Variants in ARHGAP8 observed in about 807,000 individuals in gnomAD.
The protein encoded by ARHGAP8 is Rho GTPase activating protein 8.
A neutral mutation model predicts 46.1 loss-of-function variants in ARHGAP8; 62 were observed. The observed-to-expected ratio is 1.34, with a 90% CI of 1.10 to 1.66. The LOEUF (loss-of-function observed/expected upper bound fraction) is 1.66, where lower values mean the gene tolerates loss of function less well. ARHGAP8 is among the 40% of genes most tolerant of loss of function. ARHGAP8 has a pLI of 0.00. For synonymous variants in ARHGAP8, 375 were observed against 243.1 expected (o/e 1.54, Z -5.05); for missense variants, 923 against 568.4 (o/e 1.62, Z -6.34).
rs188808690 is a variant in ARHGAP8, at chr22:44,856,138, G to A, written c.878-3593G>A. On this transcript the variant is annotated intron_variant, in intron 10 of 11. Transcript: ENST00000356099. ...ATCTGTCCCCATGATTTAATCACCC[G>A]TCACCCATCCCCACCTCCCACATTG... 3.7e-4 allele frequency among the ~76,000 whole-genome samples: 56 copies of A among 151,754 alleles called. 1 individual carries two copies. The highest frequency in any genetic ancestry group is 2.9e-3 in the Admixed American group (44 of 15,244).
At chr22:44,771,808 G>A (rs1350747885) in intron 1 of ARHGAP8, among the ~76,000 whole-genome samples, 1 of 152,132 alleles carries the variant, frequency 6.6e-6, no homozygotes, top group Admixed American at 6.5e-5. Context: ...ACCCGCCTCG[G>A]CCTCCCAAAG....
Position 44,845,480 on chromosome 22 carries a change from G to T in ARHGAP8, c.670+138G>T, listed in dbSNP as rs1231194044. On this transcript the variant is annotated intron_variant, in intron 8 of 11. Coordinates refer to ENST00000356099, the MANE Select transcript of ARHGAP8 (RefSeq NM_181335.3). ...GAGGGGCTCAAGCACAGTGGCTCCAGGTCTGGGCTCTGGCCTCGGATGGTC... is the reference window on the plus strand; with the variant it reads ...GAGGGGCTCAAGCACAGTGGCTCCATGTCTGGGCTCTGGCCTCGGATGGTC... 7 of 1,188,678 alleles carry T rather than the reference G, an allele frequency of 5.9e-6. No homozygotes were observed. The East Asian group carries it at 1.5e-4, about 25-fold the overall frequency. 73.6% of individuals were successfully genotyped at this position (1,188,678 alleles called of 1,614,324 possible).
intron 10 of ARHGAP8, among the ~76,000 whole-genome samples, chr22:44,856,798 C>T (rs2070238121): frequency 6.9e-6 from 1 of 144,028 alleles, no homozygotes; most frequent in South Asian, 2.1e-4. Flanking sequence ...AGATCAGATG[C>T]GCTGAAGTCA....
chr22:44,860,622 C>G (rs1448606276), intron 11 of ARHGAP8, among the ~76,000 whole-genome samples: 2 of 108,130 alleles, frequency 1.8e-5, no homozygotes, highest in African/African-American at 7.6e-5. Flanking sequence ...CTTAGAGGGG[C>G]CACCATTCAA....
At chr22:44,765,270 T>TGTCCCTG (rs1569133622) in intron 1 of ARHGAP8, 3 of 152,520 alleles carry the variant, frequency 2.0e-5, no homozygotes, top group Admixed American at 2.0e-4. Context: ...GCTGTAGCTG[T>TGTCCCTG]GTCCCTGTGC....
At chr22:44,841,475 C>T (rs1420280117) in intron 7 of ARHGAP8, among the ~76,000 whole-genome samples, 1 of 152,154 alleles carries the variant, frequency 6.6e-6, no homozygotes, top group Non-Finnish European at 1.5e-5. Flanking sequence ...GCACTCCTAG[C>T]TCCACGTGGC....
At chr22:44,776,196 A>G (rs1926405080) in intron 1 of ARHGAP8, among the ~76,000 whole-genome samples, 1 of 152,098 alleles carries the variant, frequency 6.6e-6, no homozygotes, top group Non-Finnish European at 1.5e-5. Context: ...CACACCTGTA[A>G]TCTCAGCACT....
At chr22:44,791,465 G>A (rs9614936) in intron 2 of ARHGAP8, among the ~76,000 whole-genome samples, 32,211 of 151,976 alleles carry the variant, frequency 0.21, 4,199 homozygotes, top group African/African-American at 0.37. Flanking sequence ...GCACTTTGGG[G>A]GGATGAGTCA....
chr22:44,770,998 A>G (rs1388170591), intron 1 of ARHGAP8, among the ~76,000 whole-genome samples: 1 of 152,248 alleles, frequency 6.6e-6, no homozygotes. Context: ...AGTTGGTCAG[A>G]TCAAATCTCT....
At chr22:44,816,068 G>A (rs967225673) in intron 5 of ARHGAP8, among the ~76,000 whole-genome samples, 1 of 152,088 alleles carries the variant, frequency 6.6e-6, no homozygotes, top group African/African-American at 2.4e-5. Flanking sequence ...ACAGGGAGGC[G>A]CATCCCTGGA....
Position 44,786,569 on chromosome 22 carries a change from C to G in ARHGAP8, c.42C>G (p.Phe14Leu). The G allele has an allele frequency of 6.2e-7, 1 of 1,613,608 alleles. No individual in the cohort carries two copies. Among genetic ancestry groups the G allele is most frequent in the Non-Finnish European group, 8.5e-7 (1 of 1,179,800 alleles). Residue 14 changes from phenylalanine to leucine, a missense_variant, in exon 2 of 12, where the codon TTC (phenylalanine) becomes TTG (leucine). Phe to Leu is a conservative substitution (Grantham distance 22). Coordinates refer to ENST00000356099, the MANE Select transcript of ARHGAP8 (RefSeq NM_181335.3). ...CTGCGCTGAGCACGAGTCACCCGTT[C>G]TACGACGTGGCCAGACATGGCATTC... ...QDPALSTSHP[F>L]YDVARHGILQ...
At chr22:44,787,269 C>T (rs1334473418) in intron 2 of ARHGAP8, among the ~76,000 whole-genome samples, 1 of 152,202 alleles carries the variant, frequency 6.6e-6, no homozygotes, top group East Asian at 1.9e-4. Context: ...AAAACGTAGA[C>T]AACAAACAAC....
At chr22:44,757,755 C>T (rs981773132) in intron 1 of ARHGAP8, among the ~76,000 whole-genome samples, 1 of 151,724 alleles carries the variant, frequency 6.6e-6, no homozygotes, top group African/African-American at 2.4e-5. Context: ...TCTCGTGCCT[C>T]AGCCTCCGGA....
Position 44,857,811 on chromosome 22 carries a change from CCTCT to C in ARHGAP8, c.878-1915_878-1912del, listed in dbSNP as rs1203014966. On this transcript the variant is annotated intron_variant, in intron 10 of 11. Coordinates refer to ENST00000356099, the MANE Select transcript of ARHGAP8 (RefSeq NM_181335.3). ...CTAACCTCTCAGAGCTCTCTTTCCT[CCTCT>C]CTCTACACTGGGGTGGTTGAAATGC... Among the ~76,000 whole-genome samples, 8 of 152,224 alleles carry C rather than the reference CCTCT, an allele frequency of 5.3e-5. No individual in the cohort carries two copies. The East Asian group carries it at 1.2e-3, about 22-fold the overall frequency.
Position 44,786,533 on chromosome 22 carries a change from T to G in ARHGAP8, c.6T>G (p.Ala2=). Reference sequence around the variant, plus strand: ...AGAGGCCCTCGGTGGTGCCCATGGCTGGCCAGGATCCTGCGCTGAGCACGA... The same window carrying G: ...AGAGGCCCTCGGTGGTGCCCATGGCGGGCCAGGATCCTGCGCTGAGCACGA... M[A]GQDPALSTSH... Residue 2 remains alanine, a synonymous_variant, in exon 2 of 12, where the codon GCT becomes GCG. Transcript: ENST00000356099. 1 of 1,613,264 alleles carries G rather than the reference T, an allele frequency of 6.2e-7. No homozygotes were observed. Among genetic ancestry groups the G allele is most frequent in the South Asian group, 1.1e-5 (1 of 90,900 alleles).
At chr22:44,794,711 G>GA (rs1365915633) in intron 2 of ARHGAP8, among the ~76,000 whole-genome samples, 1 of 147,638 alleles carries the variant, frequency 6.8e-6, no homozygotes, top group Non-Finnish European at 1.5e-5. Flanking sequence ...CTCCGTCTCA[G>GA]AAAAATAATA....
At chr22:44,804,237 T>A (rs904065439) in intron 3 of ARHGAP8, among the ~76,000 whole-genome samples, 1 of 152,112 alleles carries the variant, frequency 6.6e-6, no homozygotes, top group Non-Finnish European at 1.5e-5. Context: ...TTGCTGCTGG[T>A]GTCTGCTGTG....
intron 2 of ARHGAP8, among the ~76,000 whole-genome samples, chr22:44,792,660 C>T (rs1191267405): frequency 1.3e-5 from 2 of 152,120 alleles, no homozygotes; most frequent in Non-Finnish European, 2.9e-5. Context: ...TGCTGCTTCC[C>T]CCATGACCAA....
chr22:44,825,902 C>T (rs1182654870), intron 7 of ARHGAP8, among the ~76,000 whole-genome samples: 2 of 77,346 alleles, frequency 2.6e-5, no homozygotes, highest in East Asian at 3.6e-4. Flanking sequence ...CTCCGTGCCT[C>T]GTTGGGGGGG....
Sources: allele counts gnomAD v4.1 joint callset (sites outside exome capture counted in the v4.1 genomes callset), GRCh38; gene constraint gnomAD v4.1.1; transcripts MANE v1.5; gene names NCBI Gene and HGNC (gene_info 2026-07-23, HGNC 2026-07-21).